Variants in PDE4D observed in about 807,000 individuals in gnomAD.
PDE4D encodes phosphodiesterase 4D.
In PDE4D, 24 loss-of-function variants were observed where a neutral mutation model predicts 87.4. The observed-to-expected ratio is 0.27, with a 90% CI of 0.20 to 0.39. The LOEUF (loss-of-function observed/expected upper bound fraction) is 0.39, where lower values mean the gene tolerates loss of function less well. Ranked by LOEUF, PDE4D falls within the 10% of genes least tolerant of loss-of-function variation. The pLI, the probability that PDE4D is intolerant of heterozygous loss-of-function variation, is 1.00. For synonymous variants in PDE4D, 384 were observed against 383.2 expected (o/e 1.00, Z -0.02); for missense variants, 714 against 1,041.0 (o/e 0.69, Z 4.32).
intron 1 of PDE4D, among the ~76,000 whole-genome samples, chr5:59,569,841 A>G (rs560379844): frequency 6.6e-6 from 1 of 152,232 alleles, no homozygotes; most frequent in South Asian, 2.1e-4. Context: ...TCTGCAGCCC[A>G]AAAGGAAGCA....
rs114048044 is a variant in PDE4D at position 59,564,783 on chromosome 5, C to A, written c.455+328385G>T. 5.4e-3 allele frequency among the ~76,000 whole-genome samples: 818 copies of A among 152,178 alleles called. 4 individuals carry two copies. Among genetic ancestry groups the A allele is most frequent in the Non-Finnish European group, 8.4e-3 (569 of 68,014 alleles). Reference sequence around the variant, plus strand: ...CTCCCATTTGTGTGAGTGAGAAAGGCAAGAAAACAGCATGCACAATGCTAC... The same window carrying A: ...CTCCCATTTGTGTGAGTGAGAAAGGAAAGAAAACAGCATGCACAATGCTAC... On this transcript the variant is annotated intron_variant, in intron 1 of 14. Coordinates refer to ENST00000340635, the MANE Select transcript of PDE4D (RefSeq NM_001104631.2).
chr5:59,468,150 G>A (rs772196879), intron 1 of PDE4D, among the ~76,000 whole-genome samples: 2 of 152,172 alleles, frequency 1.3e-5, no homozygotes, highest in Non-Finnish European at 2.9e-5. Context: ...ATAAGCAGGT[G>A]TAAATGAATA....
chr5:59,425,737 G>A (rs1022082211), intron 1 of PDE4D, among the ~76,000 whole-genome samples: 7 of 152,094 alleles, frequency 4.6e-5, no homozygotes, highest in Non-Finnish European at 7.4e-5. Context: ...ATTCTTCTCC[G>A]CAATGCCTCC....
At chr5:60,091,089 T>C (rs1249354915) in intron 2 of PDE4D, among the ~76,000 whole-genome samples, 3 of 152,154 alleles carry the variant, frequency 2.0e-5, no homozygotes, top group Non-Finnish European at 4.4e-5. Context: ...AACACTGGTC[T>C]GGGCAAAGAT....
intron 2 of PDE4D, among the ~76,000 whole-genome samples, chr5:60,136,064 T>C (rs1241777767): frequency 1.3e-5 from 2 of 152,196 alleles, no homozygotes; most frequent in Admixed American, 1.3e-4. Context: ...GAACTACTGC[T>C]ACCTTTCTTG....
At chr5:60,404,229 C>T (rs375992930) in intron 1 of PDE4D, among the ~76,000 whole-genome samples, 1 of 143,432 alleles carries the variant, frequency 7.0e-6, no homozygotes, top group South Asian at 2.2e-4. Context: ...ATTCATTCCT[C>T]ATTTAACTAG....
chr5:59,643,061 G>A (rs921298878), intron 1 of PDE4D, among the ~76,000 whole-genome samples: 8 of 152,054 alleles, frequency 5.3e-5, no homozygotes, highest in Admixed American at 4.6e-4. Flanking sequence ...ATGAAAGAAT[G>A]GAAAAACTGG....
intron 1 of PDE4D, among the ~76,000 whole-genome samples, chr5:59,749,494 C>T (rs1239500671): frequency 3.3e-5 from 5 of 152,132 alleles, no homozygotes; most frequent in Non-Finnish European, 7.4e-5. Context: ...AAACTCCTGA[C>T]CTCAGGGGAT....
intron 1 of PDE4D, among the ~76,000 whole-genome samples, chr5:59,437,411 C>T (rs962130691): frequency 1.3e-5 from 2 of 152,168 alleles, no homozygotes; most frequent in African/African-American, 4.8e-5. Context: ...AAAAGAATTT[C>T]CAACAGTAGG....
intron 1 of PDE4D, among the ~76,000 whole-genome samples, chr5:60,294,134 T>C (rs1463084542): frequency 1.3e-5 from 2 of 152,210 alleles, no homozygotes; most frequent in African/African-American, 4.8e-5. Context: ...CTAGTGGATG[T>C]GTGGTGGTAT....
chr5:60,175,750 T>C (rs1465206732), intron 2 of PDE4D, among the ~76,000 whole-genome samples: 1 of 152,118 alleles, frequency 6.6e-6, no homozygotes, highest in Non-Finnish European at 1.5e-5. Flanking sequence ...GGGCATTCCT[T>C]GATGTTCTGA....
intron 5 of PDE4D, among the ~76,000 whole-genome samples, chr5:59,071,209 T>C (rs1209316342): frequency 6.6e-6 from 1 of 152,200 alleles, no homozygotes; most frequent in African/African-American, 2.4e-5. Context: ...GATCCTTCTA[T>C]ACGATACGAT....
chr5:60,464,825 G>GGCCAT (rs1443605786), intron 1 of PDE4D, among the ~76,000 whole-genome samples: 1 of 152,206 alleles, frequency 6.6e-6, no homozygotes, highest in Non-Finnish European at 1.5e-5. Context: ...GGCCAGGCCA[G>GGCCAT]GCATGGCAGC....
intron 3 of PDE4D, among the ~76,000 whole-genome samples, chr5:59,939,928 C>T (rs1219250934): frequency 1.3e-5 from 2 of 152,186 alleles, no homozygotes; most frequent in Admixed American, 1.3e-4. Context: ...AATATAAAAA[C>T]TCATGACACC....
At chr5:59,383,512 A>G (rs559426884) in intron 1 of PDE4D, among the ~76,000 whole-genome samples, 4 of 152,236 alleles carry the variant, frequency 2.6e-5, no homozygotes, top group African/African-American at 9.6e-5. Flanking sequence ...CCTAGCACTG[A>G]GAGCCTTCTA....
At chr5:59,567,637 A>C (rs1307969778) in intron 1 of PDE4D, among the ~76,000 whole-genome samples, 1 of 152,194 alleles carries the variant, frequency 6.6e-6, no homozygotes, top group Non-Finnish European at 1.5e-5. Flanking sequence ...TTTTGGGGGA[A>C]AAATAATTTT....
intron 1 of PDE4D, among the ~76,000 whole-genome samples, chr5:59,381,335 C>T (rs1785801939): frequency 6.6e-6 from 1 of 152,112 alleles, no homozygotes; most frequent in Non-Finnish European, 1.5e-5. Context: ...GATCAAATCG[C>T]TTTACCCATC....
At chr5:59,087,619 C>T (rs1317767858) in intron 5 of PDE4D, among the ~76,000 whole-genome samples, 1 of 152,056 alleles carries the variant, frequency 6.6e-6, no homozygotes, top group Non-Finnish European at 1.5e-5. Flanking sequence ...AAGTGATGCC[C>T]CCATGCTTTA....
intron 1 of PDE4D, among the ~76,000 whole-genome samples, chr5:60,215,120 C>T (rs1743705675): frequency 6.6e-6 from 1 of 152,158 alleles, no homozygotes; most frequent in Non-Finnish European, 1.5e-5. Flanking sequence ...ATTCACTCCT[C>T]TGTAGCGATT....
Sources: allele counts gnomAD v4.1 joint callset (sites outside exome capture counted in the v4.1 genomes callset), GRCh38; gene constraint gnomAD v4.1.1; transcripts MANE v1.5; gene names NCBI Gene and HGNC (gene_info 2026-07-23, HGNC 2026-07-21).